ART3: variants seen among roughly 807,000 people sequenced by gnomAD.
The protein encoded by ART3 is ADP-ribosyltransferase 3 (inactive).
ART3 carries 49 observed loss-of-function variants against 48.5 expected under a neutral mutation model. The observed-to-expected ratio is 1.01, with a 90% confidence interval of 0.80 to 1.28. The LOEUF is 1.28. Ranked by LOEUF, ART3 falls within the 50% of genes most tolerant of loss-of-function variation. ART3 has a pLI of 0.00. For synonymous variants in ART3, 145 were observed against 157.2 expected (o/e 0.92, Z 0.58); for missense variants, 438 against 454.3 (o/e 0.96, Z 0.33).
At chr4:76,103,881 T>C in intron 8 of ART3, 56 bp from the exon 9 acceptor site, 3 of 1,491,502 alleles carry the variant, frequency 2.0e-6, no homozygotes, top group Non-Finnish European at 1.9e-6. Context: ...AAAAGAAGAG[T>C]ATTAACAGTA....
chr4:76,088,028 G>A (rs13134121), intron 3 of ART3, among the ~76,000 whole-genome samples: 42,512 of 151,740 alleles, frequency 0.28, 7,931 homozygotes, highest in African/African-American at 0.53. Context: ...GAGGGATTCA[G>A]GTGCAGCCTG....
Position 76,075,913 on chromosome 4 carries a change from A to G in ART3, c.24A>G (p.Ile8Met), listed in dbSNP as rs1351066156. ...AAATGAAGACGGGACATTTTGAAAT[A>G]GTCACCATGCTGCTGGCAACCATGA... MKTGHFE[I>M]VTMLLATMIL... The change falls in exon 2 of 12, where the codon ATA becomes ATG. Residue 8 changes from isoleucine to methionine, a missense_variant. This residue lies in a region of ART3 where 206 missense variants were observed against 205.3 expected (regional missense o/e 1.00). Coordinates refer to ENST00000355810, the MANE Select transcript of ART3 (RefSeq NM_001130016.3). 6.2e-7 allele frequency: 1 copy of G among 1,613,164 alleles called. No homozygotes were observed. The highest frequency in any genetic ancestry group is 1.1e-5 in the South Asian group (1 of 90,936).
At chr4:76,112,167 C>T (rs1473921070) in intron 11 of ART3, among the ~76,000 whole-genome samples, 1 of 152,130 alleles carries the variant, frequency 6.6e-6, no homozygotes, top group Admixed American at 6.5e-5. Flanking sequence ...GGGGTTGGCA[C>T]CCCAACACCC....
At chr4:76,043,704 C>T (rs1423033934) in intron 1 of ART3, among the ~76,000 whole-genome samples, 6 of 150,692 alleles carry the variant, frequency 4.0e-5, no homozygotes, top group African/African-American at 9.7e-5. Flanking sequence ...GAGCCAGCTC[C>T]GGCCTTGGCC....
chr4:76,053,162 CT>C (rs1312754670), intron 1 of ART3, among the ~76,000 whole-genome samples: 9 of 152,170 alleles, frequency 5.9e-5, no homozygotes, highest in Non-Finnish European at 1.2e-4. Flanking sequence ...GTTCAATTTA[CT>C]TTGTTTTTTA....
At chr4:76,106,172 A>G (rs1329707221) in intron 10 of ART3, 4 of 985,358 alleles carry the variant, frequency 4.1e-6, no homozygotes, top group African/African-American at 1.7e-5. Context: ...CCAGGACTCA[A>G]ACTTTTCAAG....
rs34793518 is a variant in ART3 at position 76,032,538 on chromosome 4, T to TA, written c.-10+21228dup. Among the ~76,000 whole-genome samples, 879 of 146,880 alleles carry TA rather than the reference T, an allele frequency of 6.0e-3. 19 individuals carry two copies. Among genetic ancestry groups the TA allele is most frequent in the African/African-American group, 0.02 (783 of 40,148 alleles). ...GTGAATTTTTATTTTTAAAGAGACT[T>TA]AAAAAAAAAATCACTGTAAGTAGTC... On this transcript the variant is annotated intron_variant, in intron 1 of 9. Coordinates refer to the ART3 transcript ENST00000341029.
chr4:76,021,881 G>C (rs370049710), intron 1 of ART3: 1 of 1,567,100 alleles, frequency 6.4e-7, no homozygotes, highest in Non-Finnish European at 8.8e-7. Flanking sequence ...GGCAGCCTCT[G>C]TGTGGTCCAT....
In ART3 at chr4:76,100,301, C is replaced by T; in HGVS notation, c.858C>T (p.Asn286=). ...TTTTCTGTGACTCAGGTGAGAAAAA[C>T]CAGAAGCTTGAAGACCATAGTAAGA... ...PIYVYNPGEK[N]QKLEDHSEKN... is the part of the protein sequence containing the mutation. The change falls in exon 6 of 12, where the codon AAC becomes AAT. Residue 286 remains asparagine, a synonymous_variant. Coordinates refer to ENST00000355810, the MANE Select transcript of ART3 (RefSeq NM_001130016.3). 2.5e-6 allele frequency: 4 copies of T among 1,612,330 alleles called. No homozygotes were observed. Among genetic ancestry groups the T allele is most frequent in the Non-Finnish European group, 3.4e-6 (4 of 1,178,946 alleles).
intron 3 of ART3, among the ~76,000 whole-genome samples, chr4:76,085,617 G>A (rs1723376221): frequency 6.6e-6 from 1 of 152,146 alleles, no homozygotes; most frequent in African/African-American, 2.4e-5. Flanking sequence ...AAGAAAAAGT[G>A]TTTATAAAAA....
chr4:76,054,239 C>A (rs1395249809), intron 1 of ART3, among the ~76,000 whole-genome samples: 1 of 152,034 alleles, frequency 6.6e-6, no homozygotes, highest in Admixed American at 6.6e-5. Context: ...AGAGATGACC[C>A]CTGCATGTGA....
chr4:76,034,380 G>T, intron 1 of ART3: 1 of 436,994 alleles, frequency 2.3e-6, no homozygotes, highest in South Asian at 8.2e-5. Flanking sequence ...TCTAGAGACA[G>T]AAATGTTCTC....
chr4:76,072,181 G>C (rs902419936), upstream of ART3, among the ~76,000 whole-genome samples: 6 of 152,150 alleles, frequency 3.9e-5, no homozygotes, highest in African/African-American at 1.4e-4. Context: ...CCAAATCTCT[G>C]AGATTACAAA....
chr4:76,045,896 C>A (rs1464320111), intron 1 of ART3, among the ~76,000 whole-genome samples: 1 of 152,058 alleles, frequency 6.6e-6, no homozygotes, highest in African/African-American at 2.4e-5. Flanking sequence ...AGGCTGTATT[C>A]ATTCCTTGCT....
At chr4:76,043,115 G>T (rs922969728) in intron 1 of ART3, among the ~76,000 whole-genome samples, 4 of 151,950 alleles carry the variant, frequency 2.6e-5, no homozygotes, top group Admixed American at 2.0e-4. Flanking sequence ...GTGCTGACTG[G>T]TGTATTTACA....
At chr4:76,051,894 CTCTCTTTT>C (rs775188639) in intron 1 of ART3, among the ~76,000 whole-genome samples, 7 of 111,212 alleles carry the variant, frequency 6.3e-5, no homozygotes, top group African/African-American at 1.9e-4. Context: ...ATCTCTCTCT[CTCTCTTTT>C]TTTTTTTTTT....
rs1314230146 is a variant in ART3 at position 76,112,720 on chromosome 4, T to C, written c.*201T>C. ...AGAACTTTTCACTTGTATACTACTC[T>C]TACAATGGAAAAAAATCCCGAAAAC... On this transcript the variant is annotated 3_prime_UTR_variant, in exon 12 of 12. Coordinates refer to ENST00000355810, the MANE Select transcript of ART3 (RefSeq NM_001130016.3). 2 of 462,360 alleles carry C rather than the reference T, an allele frequency of 4.3e-6. No individual in the cohort carries two copies. Among genetic ancestry groups the C allele is most frequent in the Non-Finnish European group, 7.3e-6 (2 of 274,752 alleles). The allele number at this position is 462,360 out of a possible 1,614,324, so 28.6% of individuals were successfully genotyped here.
intron 3 of ART3, among the ~76,000 whole-genome samples, chr4:76,082,893 A>G (rs1171370619): frequency 6.6e-6 from 1 of 152,158 alleles, no homozygotes; most frequent in Non-Finnish European, 1.5e-5. Flanking sequence ...TAGACAATGC[A>G]TAGGACAGCC....
upstream of ART3, chr4:76,074,683 A>G (rs191250157): frequency 1.3e-5 from 2 of 152,320 alleles, no homozygotes; most frequent in East Asian, 1.9e-4. Flanking sequence ...GGGTGTTTAT[A>G]AAAAGAAAAG....
Sources: gnomAD v4.1 joint callset for allele counts (sites outside exome capture counted in the v4.1 genomes callset) on GRCh38, gnomAD v4.1.1 for gene constraint, gnomAD v4.1.1 regional missense constraint, MANE v1.5 for transcripts, NCBI Gene and HGNC (gene_info 2026-07-23, HGNC 2026-07-21) for gene names.